XPNPEP3: variants seen among roughly 807,000 people sequenced by gnomAD.
XPNPEP3 encodes the protein xaa-Pro aminopeptidase 3.
In XPNPEP3, 41 loss-of-function variants were observed where a neutral mutation model predicts 60.0. The ratio of observed to expected loss-of-function variants is 0.68; its 90% CI spans 0.53 to 0.89. The LOEUF (loss-of-function observed/expected upper bound fraction) is 0.89. Ranked by LOEUF, XPNPEP3 falls within the 40% of genes least tolerant of loss-of-function variation. The pLI, the probability that XPNPEP3 is intolerant of heterozygous loss-of-function variation, is 0.00. For synonymous variants in XPNPEP3, 212 were observed against 223.2 expected, an observed-to-expected ratio of 0.95 and a Z score of 0.45; for missense variants, 598 against 638.9, an observed-to-expected ratio of 0.94 and a Z score of 0.69.
intron 7 of XPNPEP3, among the ~76,000 whole-genome samples, chr22:40,920,342 C>T (rs2058211773): frequency 6.6e-6 from 1 of 151,988 alleles, no homozygotes; most frequent in African/African-American, 2.4e-5. Context: ...TTCACTCCAG[C>T]CTGGGTGAAA....
chr22:40,907,526 A>G, intron 4 of XPNPEP3, 61 bp from the exon 5 acceptor site: 1 of 1,530,274 alleles, frequency 6.5e-7, no homozygotes, highest in Non-Finnish European at 9.1e-7. Flanking sequence ...AGTATTTTGA[A>G]TGTTTGAGTA....
At chr22:40,907,143 C>T (rs1469087932) in intron 4 of XPNPEP3, 1 of 456,560 alleles carries the variant, frequency 2.2e-6, no homozygotes, top group East Asian at 6.9e-5. Flanking sequence ...TATTATTGGC[C>T]CGGCACGGTG....
intron 4 of XPNPEP3, among the ~76,000 whole-genome samples, chr22:40,895,191 C>T (rs963697711): frequency 4.6e-5 from 7 of 152,142 alleles, no homozygotes; most frequent in African/African-American, 1.4e-4. Context: ...ACTACTTGCT[C>T]ATGAATCTGA....
At position 40,914,341 on chromosome 22, in the gene XPNPEP3, G is replaced by C; in HGVS notation, c.1055+17G>C. 1 of 1,603,594 alleles carries C rather than the reference G, an allele frequency of 6.2e-7. No homozygotes were observed. The highest frequency in any genetic ancestry group is 8.5e-7 in the Non-Finnish European group (1 of 1,170,624). ...CAATGGCAGGTAGGGCTTCTACAGA[G>C]TAACGTATCCCACTGCTTCTTAGGA... On this transcript the variant is annotated intron_variant, in intron 7 of 9. Transcript: ENST00000357137.
chr22:40,872,858 A>G (rs1392851533), intron 2 of XPNPEP3, among the ~76,000 whole-genome samples: 3 of 152,160 alleles, frequency 2.0e-5, no homozygotes, highest in African/African-American at 7.2e-5. Context: ...CAGGACAGCA[A>G]GACATTCATC....
intron 6 of XPNPEP3, among the ~76,000 whole-genome samples, chr22:40,909,445 A>T (rs1224579463): frequency 6.6e-6 from 1 of 152,208 alleles, no homozygotes; most frequent in Admixed American, 6.5e-5. Flanking sequence ...CCTCTTTAAT[A>T]GATGAGGAAA....
At chr22:40,897,646 T>G (rs1425483014) in intron 4 of XPNPEP3, among the ~76,000 whole-genome samples, 2 of 152,146 alleles carry the variant, frequency 1.3e-5, no homozygotes, top group African/African-American at 2.4e-5. Context: ...TTTAATTTTT[T>G]GAGAAACCAC....
intron 2 of XPNPEP3, among the ~76,000 whole-genome samples, chr22:40,878,903 T>G (rs997595923): frequency 6.6e-6 from 1 of 152,188 alleles, no homozygotes; most frequent in African/African-American, 2.4e-5. Flanking sequence ...TTAAATTTCT[T>G]TTTATTTTAT....
At chr22:40,858,448 C>T (rs973670107) in intron 1 of XPNPEP3, among the ~76,000 whole-genome samples, 1 of 151,446 alleles carries the variant, frequency 6.6e-6, no homozygotes, top group African/African-American at 2.4e-5. Flanking sequence ...AGAAGGAACA[C>T]TTGCAAAGGC....
intron 1 of XPNPEP3, chr22:40,862,829 T>A: frequency 1.2e-6 from 1 of 850,474 alleles, no homozygotes; most frequent in Non-Finnish European, 1.4e-6. Context: ...TAGCCACTGG[T>A]GATAGCAGTA....
chr22:40,887,463 A>G (rs1442699933), intron 4 of XPNPEP3, among the ~76,000 whole-genome samples: 5 of 152,184 alleles, frequency 3.3e-5, no homozygotes, highest in Admixed American at 2.6e-4. Flanking sequence ...GTCCGAGATC[A>G]AGGTGCCATC....
At chr22:40,893,246 G>A (rs1437266696) in intron 4 of XPNPEP3, among the ~76,000 whole-genome samples, 1 of 150,290 alleles carries the variant, frequency 6.7e-6, no homozygotes, top group Non-Finnish European at 1.5e-5. Flanking sequence ...GGGCGCTTAT[G>A]CCTGTAATCC....
At chr22:40,892,925 T>C (rs573330421) in intron 4 of XPNPEP3, among the ~76,000 whole-genome samples, 1 of 150,406 alleles carries the variant, frequency 6.6e-6, no homozygotes, top group East Asian at 1.9e-4. Context: ...AATAGCTCTT[T>C]TTACACATAT....
chr22:40,896,526 G>A (rs2058108754), intron 4 of XPNPEP3, among the ~76,000 whole-genome samples: 1 of 151,992 alleles, frequency 6.6e-6, no homozygotes, highest in Admixed American at 6.6e-5. Flanking sequence ...AATTAGCCGG[G>A]CGTGGGACAC....
intron 1 of XPNPEP3, among the ~76,000 whole-genome samples, chr22:40,863,057 G>T (rs2057960182): frequency 6.6e-6 from 1 of 152,188 alleles, no homozygotes; most frequent in Admixed American, 6.5e-5. Context: ...GATCTAATAT[G>T]GTAGCCACTG....
At chr22:40,919,404 A>G (rs1269884337) in intron 7 of XPNPEP3, among the ~76,000 whole-genome samples, 1 of 152,128 alleles carries the variant, frequency 6.6e-6, no homozygotes, top group Non-Finnish European at 1.5e-5. Flanking sequence ...AAATAACAAA[A>G]ATTAGCTGGG....
At chr22:40,857,379 TTTC>T (rs2057907810) in intron 1 of XPNPEP3, 134 bp downstream of exon 1, 1 of 1,002,368 alleles carries the variant, frequency 1.0e-6, no homozygotes, top group Non-Finnish European at 1.5e-6. Context: ...GCTCCGCGGA[TTTC>T]TTCTATACCG....
chr22:40,885,913 C>T (rs1569021334), intron 3 of XPNPEP3, among the ~76,000 whole-genome samples: 1 of 152,140 alleles, frequency 6.6e-6, no homozygotes, highest in African/African-American at 2.4e-5. Context: ...ACCTGGGAGG[C>T]GGAGGTTGCA....
chr22:40,888,243 G>A (rs929916335), intron 4 of XPNPEP3, among the ~76,000 whole-genome samples: 2 of 152,006 alleles, frequency 1.3e-5, no homozygotes, highest in Admixed American at 6.6e-5. Context: ...TCTTCCATTA[G>A]AATTTCACTT....
Sources: allele counts gnomAD v4.1 joint callset (sites outside exome capture counted in the v4.1 genomes callset), GRCh38; gene constraint gnomAD v4.1.1; transcripts MANE v1.5; gene names NCBI Gene and HGNC (gene_info 2026-07-23, HGNC 2026-07-21).